Variants in PDLIM5 observed in about 807,000 individuals in gnomAD.
PDLIM5 encodes the protein PDZ and LIM domain 5, also known as PDZ and LIM domain protein 5.
A neutral mutation model predicts 64.2 loss-of-function variants in PDLIM5; 34 were observed. The observed-to-expected ratio is 0.53, with a 90% CI of 0.40 to 0.71. The LOEUF (loss-of-function observed/expected upper bound fraction) is 0.71, where lower values mean the gene tolerates loss of function less well. Among genes scored for constraint, PDLIM5 ranks in the 30% least tolerant of loss-of-function variants. The pLI, the probability that PDLIM5 is intolerant of heterozygous loss-of-function variation, is 0.00. For synonymous variants in PDLIM5, 253 were observed against 269.1 expected (o/e 0.94, Z 0.59); for missense variants, 683 against 733.6 (o/e 0.93, Z 0.80).
intron 3 of PDLIM5, among the ~76,000 whole-genome samples, chr4:94,560,342 A>G (rs1482948886): frequency 6.6e-6 from 1 of 152,144 alleles, no homozygotes; most frequent in African/African-American, 2.4e-5. Context: ...GTTTCACTCT[A>G]GGAACTTAGC....
At chr4:94,614,691 C>T (rs1360101958) in intron 7 of PDLIM5, among the ~76,000 whole-genome samples, 1 of 152,070 alleles carries the variant, frequency 6.6e-6, no homozygotes, top group Non-Finnish European at 1.5e-5. Flanking sequence ...ACTCCAAGCC[C>T]TTTGTAGCTA....
intron 2 of PDLIM5, among the ~76,000 whole-genome samples, chr4:94,517,654 C>T (rs1273953469): frequency 1.3e-5 from 2 of 152,278 alleles, no homozygotes; most frequent in African/African-American, 4.8e-5. Context: ...CTGTAGCCCT[C>T]ATGTTTATAT....
At chr4:94,543,503 T>C (rs918772646) in intron 3 of PDLIM5, among the ~76,000 whole-genome samples, 1 of 152,120 alleles carries the variant, frequency 6.6e-6, no homozygotes, top group South Asian at 2.1e-4. Context: ...TGTTGTTAAG[T>C]ATAATCACCA....
At chr4:94,601,789 A>G (rs910786652) in intron 7 of PDLIM5, among the ~76,000 whole-genome samples, 1 of 152,206 alleles carries the variant, frequency 6.6e-6, no homozygotes, top group African/African-American at 2.4e-5. Flanking sequence ...AAGACTATTG[A>G]AAACCAATTA....
chr4:94,616,972 G>T (rs1034132328), intron 7 of PDLIM5, among the ~76,000 whole-genome samples: 27 of 152,346 alleles, frequency 1.8e-4, no homozygotes, highest in African/African-American at 6.0e-4. Context: ...GGAAAAAGGT[G>T]CATGGGACCA....
At chr4:94,527,046 C>CTTTTTTTTTTTTTTTT (rs57625095) in intron 3 of PDLIM5, among the ~76,000 whole-genome samples, 3 of 57,810 alleles carry the variant, frequency 5.2e-5, no homozygotes, top group Non-Finnish European at 9.7e-5. Context: ...GAACAGCATT[C>CTTTTTTTTTTTTTTTT]TTTTTTTTTT....
rs185067065 is a variant in PDLIM5 at position 94,586,678 on chromosome 4, G to A, written c.920+234G>A. On this transcript the variant is annotated intron_variant, in intron 7 of 12. Transcript: ENST00000317968. ...TCCCTAGTATTGAAATAAGAAGTGG[G>A]CAGAAGGGTATATTTCGGGGTGCTT... 2.8e-3 allele frequency among the ~76,000 whole-genome samples: 427 copies of A among 152,262 alleles called. 1 individual carries two copies. The highest frequency in any genetic ancestry group is 4.9e-3 in the Non-Finnish European group (336 of 68,018).
intron 2 of PDLIM5, among the ~76,000 whole-genome samples, chr4:94,458,788 C>G (rs1281636945): frequency 1.3e-5 from 2 of 152,142 alleles, no homozygotes; most frequent in African/African-American, 4.8e-5. Flanking sequence ...AGCATACAAG[C>G]TATAACATTT....
At chr4:94,632,523 T>C (rs1740238132) in intron 8 of PDLIM5, among the ~76,000 whole-genome samples, 1 of 152,058 alleles carries the variant, frequency 6.6e-6, no homozygotes, top group Non-Finnish European at 1.5e-5. Context: ...AAGAAAAAAA[T>C]TACTGTGTTG....
At chr4:94,612,294 G>A (rs1184701437) in intron 7 of PDLIM5, among the ~76,000 whole-genome samples, 1 of 152,090 alleles carries the variant, frequency 6.6e-6, no homozygotes, top group African/African-American at 2.4e-5. Context: ...AACTTTTAAG[G>A]GAGGTGTTTA....
chr4:94,540,741 TC>T (rs1731736431), intron 3 of PDLIM5, among the ~76,000 whole-genome samples: 1 of 152,196 alleles, frequency 6.6e-6, no homozygotes, highest in South Asian at 2.1e-4. Context: ...TTGCTTACCT[TC>T]TATTTAAAAC....
chr4:94,614,152 G>A (rs370969843), intron 7 of PDLIM5, among the ~76,000 whole-genome samples: 2 of 152,078 alleles, frequency 1.3e-5, no homozygotes, highest in East Asian at 1.9e-4. Context: ...TAGTAGAGAC[G>A]GGGTTTCACC....
At chr4:94,477,503 C>T (rs1421028538) in intron 2 of PDLIM5, among the ~76,000 whole-genome samples, 3 of 152,016 alleles carry the variant, frequency 2.0e-5, no homozygotes, top group East Asian at 1.9e-4. Flanking sequence ...TGGAATTGGC[C>T]TTTTTGACTT....
At chr4:94,609,735 G>A (rs997188932) in intron 7 of PDLIM5, among the ~76,000 whole-genome samples, 5 of 150,996 alleles carry the variant, frequency 3.3e-5, no homozygotes, top group East Asian at 2.2e-4. Context: ...AGTATATATC[G>A]TCTCTAAGGT....
chr4:94,579,570 G>GT (rs1735574741), intron 5 of PDLIM5: 1 of 1,273,584 alleles, frequency 7.9e-7, no homozygotes, highest in African/African-American at 1.5e-5. Flanking sequence ...AGGAAATATG[G>GT]TGATTTATAT....
intron 3 of PDLIM5, among the ~76,000 whole-genome samples, chr4:94,553,433 G>A (rs893318436): frequency 1.3e-5 from 2 of 152,140 alleles, no homozygotes; most frequent in African/African-American, 4.8e-5. Context: ...AGTTATTAGC[G>A]TCTGACTTCC....
intron 2 of PDLIM5, among the ~76,000 whole-genome samples, chr4:94,460,110 T>A (rs1723743925): frequency 6.6e-6 from 1 of 152,232 alleles, no homozygotes; most frequent in African/African-American, 2.4e-5. Flanking sequence ...TAATTTAGTT[T>A]GTATAACTAT....
At chr4:94,478,255 C>CAAA (rs1156675410) in intron 2 of PDLIM5, among the ~76,000 whole-genome samples, 9 of 74,468 alleles carry the variant, frequency 1.2e-4, no homozygotes, top group African/African-American at 2.8e-4. Context: ...GACTCCGTCT[C>CAAA]AAAAAAAAAA....
chr4:94,645,545 C>T (rs1741344385), intron 9 of PDLIM5, among the ~76,000 whole-genome samples: 1 of 152,152 alleles, frequency 6.6e-6, no homozygotes. Context: ...TTCTGAAATA[C>T]ATTCATTCAT....
Sources: gnomAD v4.1 joint callset for allele counts (sites outside exome capture counted in the v4.1 genomes callset) on GRCh38, gnomAD v4.1.1 for gene constraint, MANE v1.5 for transcripts, NCBI Gene and HGNC (gene_info 2026-07-23, HGNC 2026-07-21) for gene names.